Variants in SLC4A4 observed in about 807,000 individuals in gnomAD.
SLC4A4 encodes solute carrier family 4 member 4, also known as electrogenic sodium bicarbonate cotransporter 1.
Under a neutral mutation model 111.5 loss-of-function variants are expected in SLC4A4, and 27 were observed. The ratio of observed to expected loss-of-function variants is 0.24; its 90% CI spans 0.18 to 0.33. The LOEUF (loss-of-function observed/expected upper bound fraction) is 0.33. Ranked by LOEUF, SLC4A4 falls within the 10% of genes least tolerant of loss-of-function variation. SLC4A4 has a pLI of 1.00. For missense variants in SLC4A4, 909 were observed against 1,315.5 expected (o/e 0.69, Z 4.78); for synonymous variants, 443 against 463.4 (o/e 0.96, Z 0.57).
At chr4:71,298,308 G>A (rs1214370172) in intron 3 of SLC4A4, among the ~76,000 whole-genome samples, 2 of 152,106 alleles carry the variant, frequency 1.3e-5, no homozygotes, top group Admixed American at 6.5e-5. Flanking sequence ...TGACAATCAC[G>A]GGTGTGCTAA....
At chr4:71,557,421 A>G (rs1245167081) in intron 21 of SLC4A4, among the ~76,000 whole-genome samples, 1 of 151,924 alleles carries the variant, frequency 6.6e-6, no homozygotes, top group Non-Finnish European at 1.5e-5. Flanking sequence ...GAGAGTAAAA[A>G]TAGAAATTAG....
intron 5 of SLC4A4, among the ~76,000 whole-genome samples, chr4:71,351,742 G>C (rs1037755479): frequency 6.6e-6 from 1 of 152,076 alleles, no homozygotes; most frequent in Non-Finnish European, 1.5e-5. Context: ...TAAAGATGCT[G>C]GATGGACAGA....
rs192853007 is a variant in SLC4A4, at chr4:71,140,827, A to G, written c.-2+48035A>G. Among the ~76,000 whole-genome samples the G allele has an allele frequency of 5.3e-5, 8 of 152,322 alleles. No individual in the cohort carries two copies. In the East Asian group the frequency reaches 1.5e-3, roughly 29 times the overall value. ...AAGATACCACCTATCATCTCTCACT[A>G]GGATGATTGCAAAGACTCCTAAGCT... is the stretch of plus-strand genomic sequence containing the variant. On this transcript the variant is annotated intron_variant, in intron 2 of 26. Coordinates refer to the SLC4A4 transcript ENST00000649996.
intron 15 of SLC4A4, among the ~76,000 whole-genome samples, chr4:71,497,214 A>T (rs140927343): frequency 1.3e-5 from 2 of 152,118 alleles, no homozygotes; most frequent in Admixed American, 1.3e-4. Flanking sequence ...GGTGTGCAGG[A>T]AAGAAGTACT....
intron 6 of SLC4A4, among the ~76,000 whole-genome samples, chr4:71,376,197 A>G (rs944266091): frequency 2.6e-5 from 4 of 151,040 alleles, no homozygotes; most frequent in Non-Finnish European, 4.4e-5. Flanking sequence ...ACACACATAT[A>G]TATGTGTGTA....
At chr4:71,195,729 T>C (rs539004726) in intron 1 of SLC4A4, among the ~76,000 whole-genome samples, 1 of 152,320 alleles carries the variant, frequency 6.6e-6, no homozygotes, top group South Asian at 2.1e-4. Context: ...ACTTGACACA[T>C]GGGATTTAAA....
rs77475964 is a variant in SLC4A4 at position 71,517,471 on chromosome 4, T to C, written c.2167-14591T>C. Among the ~76,000 whole-genome samples, 379 of 152,286 alleles carry C rather than the reference T, an allele frequency of 2.5e-3. 17 individuals are homozygous for C. The East Asian group carries it at 0.068, about 27-fold the overall frequency. On this transcript the variant is annotated intron_variant, in intron 16 of 25. Coordinates refer to ENST00000264485, the MANE Select transcript of SLC4A4 (RefSeq NM_001098484.3). ...ATAATTTCATTTAAAATTTTGAATG[T>C]AAGTAATTTCAGTCTCTGTTACATT...
chr4:71,099,877 C>T (rs1394130377), intron 2 of SLC4A4, among the ~76,000 whole-genome samples: 2 of 152,118 alleles, frequency 1.3e-5, no homozygotes, highest in Non-Finnish European at 2.9e-5. Flanking sequence ...TTCCTGGCTA[C>T]ATATATCCTC....
At chr4:71,523,505 T>C (rs936267689) in intron 16 of SLC4A4, among the ~76,000 whole-genome samples, 3 of 151,576 alleles carry the variant, frequency 2.0e-5, no homozygotes, top group African/African-American at 7.3e-5. Flanking sequence ...CCAAGAAAAA[T>C]AGGTTGGGAG....
At chr4:71,302,242 G>A (rs1394271630) in intron 3 of SLC4A4, among the ~76,000 whole-genome samples, 1 of 152,148 alleles carries the variant, frequency 6.6e-6, no homozygotes, top group Non-Finnish European at 1.5e-5. Context: ...GGTAGAGAGA[G>A]CAATGCACTA....
intron 7 of SLC4A4, among the ~76,000 whole-genome samples, chr4:71,420,170 C>A (rs866396914): frequency 6.4e-4 from 98 of 152,086 alleles, no homozygotes; most frequent in African/African-American, 2.1e-3. Context: ...AGCCAAGGCT[C>A]CAGAACTACG....
intron 2 of SLC4A4, among the ~76,000 whole-genome samples, chr4:71,180,970 G>A (rs2148987673): frequency 6.6e-6 from 1 of 152,144 alleles, no homozygotes; most frequent in South Asian, 2.1e-4. Flanking sequence ...CAACTCAAAT[G>A]TCCAACAATG....
intron 3 of SLC4A4, among the ~76,000 whole-genome samples, chr4:71,275,961 T>G (rs573199256): frequency 1.3e-5 from 2 of 152,344 alleles, no homozygotes; most frequent in East Asian, 3.9e-4. Flanking sequence ...CAGGCTCTCC[T>G]GAAACGAATG....
intron 15 of SLC4A4, among the ~76,000 whole-genome samples, chr4:71,489,238 C>T (rs1194874514): frequency 6.6e-6 from 1 of 151,736 alleles, no homozygotes; most frequent in South Asian, 2.1e-4. Flanking sequence ...ATACATATTA[C>T]AAGTACATGG....
At chr4:71,423,103 C>A (rs2149027154) in intron 7 of SLC4A4, among the ~76,000 whole-genome samples, 1 of 152,206 alleles carries the variant, frequency 6.6e-6, no homozygotes, top group African/African-American at 2.4e-5. Flanking sequence ...TGTCTCAGCC[C>A]AAAATCTCCT....
chr4:71,219,928 T>C (rs1169250392), intron 1 of SLC4A4, among the ~76,000 whole-genome samples: 3 of 152,236 alleles, frequency 2.0e-5, no homozygotes, highest in Admixed American at 6.5e-5. Flanking sequence ...TCACTTCTCA[T>C]GGATGAGCAA....
chr4:71,181,188 G>A (rs965462131), intron 2 of SLC4A4, among the ~76,000 whole-genome samples: 2 of 134,918 alleles, frequency 1.5e-5, no homozygotes, highest in Admixed American at 1.6e-4. Context: ...ACACAGGAAG[G>A]GGAACATCAC....
At chr4:71,248,196 GTTA>G (rs1720815703) in intron 2 of SLC4A4, among the ~76,000 whole-genome samples, 1 of 152,062 alleles carries the variant, frequency 6.6e-6, no homozygotes, top group Non-Finnish European at 1.5e-5. Context: ...TCACAAGTTA[GTTA>G]TTATCAGGGC....
intron 18 of SLC4A4, among the ~76,000 whole-genome samples, chr4:71,536,687 G>A (rs1295736643): frequency 6.7e-6 from 1 of 150,190 alleles, no homozygotes; most frequent in East Asian, 2.0e-4. Context: ...GTAGAGACGG[G>A]TTTTTGCCAT....
Sources: gnomAD v4.1 joint callset for allele counts (sites outside exome capture counted in the v4.1 genomes callset) on GRCh38, gnomAD v4.1.1 for gene constraint, MANE v1.5 for transcripts, NCBI Gene and HGNC (gene_info 2026-07-23, HGNC 2026-07-21) for gene names.